MYH6: variants seen among roughly 807,000 people sequenced by gnomAD.
MYH6 encodes the protein myosin heavy chain 6.
A neutral mutation model predicts 223.2 loss-of-function variants in MYH6; 126 were observed. That is an observed-to-expected ratio of 0.56 (90% CI 0.49 to 0.65). The LOEUF is 0.65. MYH6 is among the 30% of genes least tolerant of loss of function. The probability of loss-of-function intolerance (pLI) is 0.00; values close to 1 mark genes in which losing one functional copy is unlikely to be tolerated. For missense variants in MYH6, 2,040 were observed against 2,536.4 expected (o/e 0.80, Z 4.20); for synonymous variants, 978 against 1,010.2 (o/e 0.97, Z 0.61).
intron 32 of MYH6, 24 bp from the exon 33 acceptor site, chr14:23,386,647 G>A (rs988149652): frequency 3.1e-5 from 48 of 1,552,732 alleles, no homozygotes; most frequent in Non-Finnish European, 3.9e-5. Context: ...GGGCGAGGGC[G>A]GGCAGACAGG....
chr14:23,400,447 G>A (rs1292894970), intron 13 of MYH6, 21 bp from the exon 14 acceptor site: 1 of 1,613,982 alleles, frequency 6.2e-7, no homozygotes, highest in Admixed American at 1.7e-5. Flanking sequence ...CATGAGGGGT[G>A]GGAGCAGTCA....
Position 23,402,764 on chromosome 14 carries a change from G to A in MYH6, c.935C>T (p.Ala312Val). 1 of 1,613,658 alleles carries A rather than the reference G, an allele frequency of 6.2e-7. No homozygotes were observed. The highest frequency in any genetic ancestry group is 8.5e-7 in the Non-Finnish European group (1 of 1,179,954). Reference sequence around the variant, plus strand: ...GGACACCTCTCCCTGAGACACGAAGGCGTAGTCGTAGGGATTGTTGGTGAC... The same window carrying A: ...GGACACCTCTCCCTGAGACACGAAGACGTAGTCGTAGGGATTGTTGGTGAC... ...LLVTNNPYDY[A>V]FVSQGEVSVA... is the part of the protein sequence containing the mutation. The change falls in exon 11 of 39, where the codon GCC (alanine) becomes GTC (valine). Residue 312 changes from alanine to valine, a missense_variant. Transcript: ENST00000405093.
At chr14:23,383,461 G>A (rs984583840) in intron 36 of MYH6, 141 bp from the exon 37 acceptor site, 2 of 705,276 alleles carry the variant, frequency 2.8e-6, no homozygotes, top group Non-Finnish European at 4.9e-6. Flanking sequence ...TGGTGGGGAA[G>A]ATTCTCTGAC....
intron 19 of MYH6, 74 bp from the exon 20 acceptor site, chr14:23,396,494 C>T (rs536139088): frequency 6.3e-7 from 1 of 1,591,162 alleles, no homozygotes; most frequent in Non-Finnish European, 8.5e-7. Context: ...CCTGGATGAG[C>T]TCCCAGGTGA....
chr14:23,404,595 G>A, intron 7 of MYH6, 116 bp downstream of exon 7: 1 of 1,151,070 alleles, frequency 8.7e-7, no homozygotes, highest in Non-Finnish European at 1.3e-6. Flanking sequence ...TGACCATCGG[G>A]AGCCCAGCTC....
chr14:23,392,672 GT>G lies in MYH6; in HGVS notation c.3252-21del. 2.3e-6 allele frequency: 3 copies of G among 1,312,586 alleles called. No homozygotes were observed. The highest frequency in any genetic ancestry group is 2.2e-6 in the Non-Finnish European group (2 of 906,936). 81.3% of individuals were successfully genotyped at this position (1,312,586 alleles called of 1,614,324 possible). A position where few individuals can be genotyped will look rare whatever the true frequency, so the allele number is the denominator to read the frequency against. On this transcript the variant is annotated intron_variant, in intron 24 of 38. Coordinates refer to ENST00000405093, the MANE Select transcript of MYH6 (RefSeq NM_002471.4). ...TCCTTCCTGCAGGAGAAGGGTGGGG[GT>G]GGGGGAGTGACAGGTAGCCTTCCTT...
intron 35 of MYH6, 75 bp downstream of exon 35, chr14:23,384,841 C>T: frequency 2.5e-6 from 4 of 1,613,262 alleles, no homozygotes; most frequent in South Asian, 1.1e-5. Flanking sequence ...CTTGGTGTTA[C>T]AGCACAGTGG....
At chr14:23,390,764 C>G (rs1192007514) in intron 25 of MYH6, among the ~76,000 whole-genome samples, 1 of 152,168 alleles carries the variant, frequency 6.6e-6, no homozygotes, top group Non-Finnish European at 1.5e-5. Flanking sequence ...TCCTGAGAAC[C>G]TGTGGTTGAA....
At chr14:23,394,590 T>G (rs765003528) in intron 20 of MYH6, among the ~76,000 whole-genome samples, 14 of 152,224 alleles carry the variant, frequency 9.2e-5, no homozygotes, top group Non-Finnish European at 4.4e-5. Flanking sequence ...TCTATTCTCA[T>G]AAGAACTTCA....
At position 23,400,370 on chromosome 14, in the gene MYH6, G is replaced by A. The variant is rs932985405; in HGVS notation, c.1467C>T (p.Phe489=). ...CCAGCACGAACATGTGGTGGTTGAA[G>A]AACTGCTGCAGCTTCTCGTTGGTGA... The part of the protein sequence containing the change: ...INFTNEKLQQ[F]FNHHMFVLEQ... The change falls in exon 14 of 39, where the codon TTC becomes TTT. Residue 489 remains phenylalanine (F), a synonymous_variant. Transcript: ENST00000405093. 3.1e-6 allele frequency: 5 copies of A among 1,614,242 alleles called. No individual in the cohort carries two copies. The East Asian group carries it at 1.1e-4, about 36-fold the overall frequency.
chr14:23,392,430 AG>A (rs1234689392), intron 25 of MYH6, 131 bp downstream of exon 25: 1 of 790,006 alleles, frequency 1.3e-6, no homozygotes, highest in Non-Finnish European at 2.3e-6. Flanking sequence ...AGCGCCTGTA[AG>A]TCAGGGATGG....
At chr14:23,389,356 G>A (rs766851689) in intron 28 of MYH6, 37 bp downstream of exon 28, 2 of 1,602,570 alleles carry the variant, frequency 1.2e-6, no homozygotes, top group Non-Finnish European at 1.7e-6. Context: ...CCCCAGGGCT[G>A]CCATCAAGCC....
chr14:23,386,912 G>C (rs1279306751), intron 32 of MYH6, among the ~76,000 whole-genome samples: 1 of 152,132 alleles, frequency 6.6e-6, no homozygotes, highest in Non-Finnish European at 1.5e-5. Context: ...ATAGAAAATG[G>C]AGGAATTTTT....
At chr14:23,389,159 C>A in intron 28 of MYH6, 104 bp from the exon 29 acceptor site, 1 of 1,373,090 alleles carries the variant, frequency 7.3e-7, no homozygotes, top group South Asian at 1.4e-5. Flanking sequence ...CCTTATTCAC[C>A]ATGTGGGCTG....
chr14:23,402,496 C>A lies in MYH6; in HGVS notation c.1109G>T (p.Arg370Leu), dbSNP rs141083503. Residue 370 changes from arginine to leucine, a missense_variant, in exon 12 of 39, where the codon CGG (arginine) becomes CTG (leucine). Arg to Leu is a moderately radical substitution (Grantham distance 102). This residue lies in a region of MYH6 where 649 missense variants were observed against 877.3 expected (regional missense o/e 0.74). Coordinates refer to ENST00000405093, the MANE Select transcript of MYH6 (RefSeq NM_002471.4). ...YGNMKFKQKQ[R>L]EEQAEPDGTE... ...GCCGTCTGGCTCCGCCTGCTCCTCC[C>A]GCTGCTTCTGCTTGAACTTCATGTT... 6.2e-7 allele frequency: 1 copy of A among 1,613,648 alleles called. No homozygotes were observed. Among genetic ancestry groups the A allele is most frequent in the Non-Finnish European group, 8.5e-7 (1 of 1,179,968 alleles).
chr14:23,385,180 G>T, intron 34 of MYH6, 139 bp from the exon 35 acceptor site: 2 of 1,013,876 alleles, frequency 2.0e-6, no homozygotes, highest in Non-Finnish European at 3.0e-6. Flanking sequence ...TGATCGTTTT[G>T]TACCTGCTTT....
At position 23,396,991 on chromosome 14, in the gene MYH6, G is replaced by A. The variant is rs761520417; in HGVS notation, c.2140C>T (p.Arg714Cys). ...TGCCGGAAGTCCCCGTAGAGGATGC[G>A]GTTGGGGAAGCCCTTCCTGCAGATG... ...IRICRKGFPN[R>C]ILYGDFRQRY... Residue 714 changes from arginine (R) to cysteine (C), a missense_variant, in exon 18 of 39, where the codon CGC (arginine) becomes TGC (cysteine). Coordinates refer to ENST00000405093, the MANE Select transcript of MYH6 (RefSeq NM_002471.4). The A allele has an allele frequency of 1.2e-5, 20 of 1,613,328 alleles. No homozygotes were observed. Among genetic ancestry groups the A allele is most frequent in the South Asian group, 4.4e-5 (4 of 91,048 alleles).
intron 32 of MYH6, 34 bp downstream of exon 32, chr14:23,387,495 C>G: frequency 1.2e-6 from 2 of 1,610,840 alleles, no homozygotes; most frequent in Non-Finnish European, 1.7e-6. Context: ...AGCGGCAGAA[C>G]AGGGATGGGG....
rs770838698 is a variant in MYH6 at position 23,390,275 on chromosome 14, C to T, written c.3514G>A (p.Glu1172Lys). The T allele has an allele frequency of 9.4e-6, 15 of 1,593,214 alleles. No individual in the cohort carries two copies. Among genetic ancestry groups the T allele is most frequent in the Middle Eastern group, 2.3e-4 (1 of 4,414 alleles). ...QIEMNKKREA[E>K]FQKMRRDLEE... ...AGGTCCCGCCGCATCTTCTGGAACTCGGCCTCGCGCTTCTTGTTCATCTCG... is the reference window on the plus strand; with the variant it reads ...AGGTCCCGCCGCATCTTCTGGAACTTGGCCTCGCGCTTCTTGTTCATCTCG... Residue 1172 changes from glutamate to lysine, a missense_variant, in exon 26 of 39, where the codon GAG becomes AAG. Physicochemically the swap from Glu to Lys is moderately conservative, Grantham distance 56. Coordinates refer to ENST00000405093, the MANE Select transcript of MYH6 (RefSeq NM_002471.4).
Sources: gnomAD v4.1 joint callset for allele counts (sites outside exome capture counted in the v4.1 genomes callset) on GRCh38, gnomAD v4.1.1 for gene constraint, gnomAD v4.1.1 regional missense constraint, MANE v1.5 for transcripts, NCBI Gene and HGNC (gene_info 2026-07-23, HGNC 2026-07-21) for gene names.